HDX: variants seen among roughly 807,000 people sequenced by gnomAD.
The protein encoded by HDX is highly divergent homeobox.
Under a neutral mutation model 45.2 loss-of-function variants are expected in HDX, and 19 were observed. The observed-to-expected ratio is 0.42, with a 90% confidence interval of 0.29 to 0.62. The LOEUF (loss-of-function observed/expected upper bound fraction) is 0.62. Ranked by LOEUF, HDX falls within the 20% of genes least tolerant of loss-of-function variation. The pLI is 0.20. For synonymous variants in HDX, 188 were observed against 172.8 expected (o/e 1.09, Z -0.69); for missense variants, 532 against 493.9 (o/e 1.08, Z -0.73).
intron 5 of HDX, among the ~76,000 whole-genome samples, chrX:84,365,106 T>C (rs981122558): frequency 1.8e-5 from 2 of 111,320 alleles, no homozygotes; most frequent in African/African-American, 6.6e-5. Flanking sequence ...TTTCTTTTTT[T>C]TTCAATACCA....
Position 84,454,475 on chromosome X carries a change from G to A in HDX, c.1252-13890C>T, listed in dbSNP as rs781153156. ...GGGCCTGAGGTGGTGGCGGCCAAGAGGTGAGACACCTCTGCATGTGGAAAA... is the reference window on the plus strand; with the variant it reads ...GGGCCTGAGGTGGTGGCGGCCAAGAAGTGAGACACCTCTGCATGTGGAAAA... On this transcript the variant is annotated intron_variant, in intron 4 of 10. Coordinates refer to ENST00000373177, the MANE Select transcript of HDX (RefSeq NM_001177479.2). Among the ~76,000 whole-genome samples the A allele has an allele frequency of 5.4e-5, 6 of 111,534 alleles. No individual in the cohort carries two copies. The East Asian group carries it at 1.7e-3, about 32-fold the overall frequency.
At chrX:84,444,911 T>G (rs1299239054) in intron 4 of HDX, among the ~76,000 whole-genome samples, 1 of 111,832 alleles carries the variant, frequency 8.9e-6, no homozygotes, top group Non-Finnish European at 1.9e-5. Context: ...TTATAGATGA[T>G]TTAGGTATTC....
At chrX:84,322,735 G>T (rs2036623295) in intron 10 of HDX, among the ~76,000 whole-genome samples, 1 of 110,796 alleles carries the variant, frequency 9.0e-6, no homozygotes. Flanking sequence ...TGAAGTTGTA[G>T]AACATGCACC....
In HDX at chrX:84,344,429, T is replaced by C; in HGVS notation, c.1481A>G (p.Tyr494Cys). The change falls in exon 7 of 11, where the codon TAT (tyrosine) becomes TGT (cysteine). Residue 494 changes from tyrosine (Y) to cysteine (C), a missense_variant. By Grantham distance (194) the Tyr-to-Cys change is radical. Transcript: ENST00000373177. Reference protein sequence around the residue: ...RTWIGNRRRKYRLMGIEVPPP... With the variant: ...RTWIGNRRRKCRLMGIEVPPP... ...TGGAACTTCAATCCCCATTAAACGA[T>C]ATTTCCTTCTTCGATTCCCAATCCA... 1 of 1,202,674 alleles carries C rather than the reference T, an allele frequency of 8.3e-7. No homozygotes were observed. Among genetic ancestry groups the C allele is most frequent in the Non-Finnish European group, 1.1e-6 (1 of 888,010 alleles).
chrX:84,359,785 T>C (rs2037574620), intron 6 of HDX, among the ~76,000 whole-genome samples: 1 of 111,568 alleles, frequency 9.0e-6, no homozygotes, highest in African/African-American at 3.3e-5. Context: ...TTCACAATGG[T>C]TGGATTAAAG....
intron 7 of HDX, among the ~76,000 whole-genome samples, chrX:84,341,622 A>G (rs896622668): frequency 2.7e-5 from 3 of 110,703 alleles, no homozygotes; most frequent in African/African-American, 9.8e-5. Context: ...CACCAAATTC[A>G]ATGGCTTTCT....
At chrX:84,425,692 T>A (rs985021393) in intron 5 of HDX, among the ~76,000 whole-genome samples, 2 of 111,403 alleles carry the variant, frequency 1.8e-5, no homozygotes, top group African/African-American at 6.5e-5. Flanking sequence ...TGAAGTGAAA[T>A]AAGCCAGGCA....
At chrX:84,390,679 G>C (rs2038420105) in intron 5 of HDX, among the ~76,000 whole-genome samples, 2 of 112,179 alleles carry the variant, frequency 1.8e-5, no homozygotes, top group Non-Finnish European at 3.8e-5. Context: ...ATATATGCAA[G>C]CTGTCAAAAG....
intron 5 of HDX, among the ~76,000 whole-genome samples, chrX:84,395,824 T>G (rs1485703517): frequency 8.9e-6 from 1 of 111,974 alleles, no homozygotes; most frequent in African/African-American, 3.2e-5. Flanking sequence ...CTTCAAGTTC[T>G]GAAATTCTTT....
intron 5 of HDX, among the ~76,000 whole-genome samples, chrX:84,366,210 T>C (rs926061005): frequency 9.0e-5 from 10 of 111,403 alleles, no homozygotes; most frequent in African/African-American, 3.3e-4. Flanking sequence ...GAGACCCAAA[T>C]CATGAGTGAA....
chrX:84,437,580 G>A (rs1255322222), intron 5 of HDX, among the ~76,000 whole-genome samples: 1 of 110,823 alleles, frequency 9.0e-6, no homozygotes, highest in Non-Finnish European at 1.9e-5. Context: ...AGTTCCACTA[G>A]AGCTTCCAGT....
chrX:84,472,012 A>G (rs1365074007), intron 3 of HDX, among the ~76,000 whole-genome samples: 1 of 110,764 alleles, frequency 9.0e-6, no homozygotes, highest in African/African-American at 3.3e-5. Flanking sequence ...ATATATAAGC[A>G]TTACATTTAA....
chrX:84,433,810 G>A (rs959902010), intron 5 of HDX, among the ~76,000 whole-genome samples: 7 of 111,032 alleles, frequency 6.3e-5, no homozygotes, highest in African/African-American at 2.3e-4. Flanking sequence ...AATTCTTCCA[G>A]TCCATGAGCT....
intron 4 of HDX, among the ~76,000 whole-genome samples, chrX:84,467,242 G>A (rs975089063): frequency 1.9e-4 from 21 of 111,192 alleles, no homozygotes; most frequent in African/African-American, 6.5e-4. Context: ...TAAGATGGAG[G>A]GAGCTAAAAG....
Position 84,333,751 on chromosome X carries a change from T to C in HDX, c.1824+8A>G. On this transcript the variant is annotated splice_region_variant and intron_variant, in intron 9 of 10. Coordinates refer to ENST00000373177, the MANE Select transcript of HDX (RefSeq NM_001177479.2). Reference sequence around the variant, plus strand: ...CTCTTAATAAATTCATAATTTAAAATTACCTACCTTATAATCCAAGAAAGA... The same window carrying C: ...CTCTTAATAAATTCATAATTTAAAACTACCTACCTTATAATCCAAGAAAGA... 1.3e-6 allele frequency: 1 copy of C among 799,653 alleles called. No homozygotes were observed. Among genetic ancestry groups the C allele is most frequent in the African/African-American group, 2.0e-5 (1 of 49,214 alleles). The allele number at this position is 799,653 out of a possible 1,213,427, so 65.9% of individuals were successfully genotyped here.
rs189414794 is a variant in HDX, at chrX:84,417,727, A to G, written c.1305+22805T>C. 6.1e-4 allele frequency among the ~76,000 whole-genome samples: 68 copies of G among 111,938 alleles called. No homozygotes were observed. In the East Asian group the frequency reaches 6.8e-3, roughly 11 times the overall value. On this transcript the variant is annotated intron_variant, in intron 5 of 10. Coordinates refer to ENST00000373177, the MANE Select transcript of HDX (RefSeq NM_001177479.2). ...AAGAGAGGAGTGAAACATGGCTTCT[A>G]TGTTTTTGGCCTTTCAGTGCACTCC...
chrX:84,449,589 A>G (rs1369286878), intron 4 of HDX, among the ~76,000 whole-genome samples: 1 of 112,044 alleles, frequency 8.9e-6, no homozygotes, highest in Non-Finnish European at 1.9e-5. Flanking sequence ...ACAAATGAAT[A>G]CGAAATAAAG....
intron 5 of HDX, among the ~76,000 whole-genome samples, chrX:84,374,567 C>A (rs1489501319): frequency 3.2e-5 from 1 of 31,470 alleles, no homozygotes; most frequent in African/African-American, 2.7e-4. Flanking sequence ...CAGAACAGAA[C>A]AGAGCCCTTG....
At chrX:84,482,650 T>C (rs1010720459) in intron 2 of HDX, among the ~76,000 whole-genome samples, 1 of 111,483 alleles carries the variant, frequency 9.0e-6, no homozygotes, top group Non-Finnish European at 1.9e-5. Flanking sequence ...CAAGTTGAGA[T>C]TTTGGTGGGG....
Sources: gnomAD v4.1 joint callset for allele counts (sites outside exome capture counted in the v4.1 genomes callset) on GRCh38, gnomAD v4.1.1 for gene constraint, MANE v1.5 for transcripts, NCBI Gene and HGNC (gene_info 2026-07-23, HGNC 2026-07-21) for gene names.